Variants in CCDC171 observed in about 807,000 individuals in gnomAD.
CCDC171 encodes coiled-coil domain containing 171, also known as coiled-coil domain-containing protein 171.
CCDC171 carries 177 observed loss-of-function variants against 168.2 expected under a neutral mutation model. That is an observed-to-expected ratio of 1.05 (90% CI 0.93 to 1.19). The LOEUF (loss-of-function observed/expected upper bound fraction) is 1.19, where lower values mean the gene tolerates loss of function less well. Ranked by LOEUF, CCDC171 falls within the 50% of genes most tolerant of loss-of-function variation. The pLI, the probability that CCDC171 is intolerant of heterozygous loss-of-function variation, is 0.00. For missense variants in CCDC171, 1,991 were observed against 1,539.0 expected, an observed-to-expected ratio of 1.29 and a Z score of -4.91; for synonymous variants, 687 against 540.8, an observed-to-expected ratio of 1.27 and a Z score of -3.75.
chr9:15,850,851 C>A (rs1018424572), intron 23 of CCDC171, among the ~76,000 whole-genome samples: 2 of 151,930 alleles, frequency 1.3e-5, no homozygotes, highest in East Asian at 3.9e-4. Flanking sequence ...AGGGTCCAGG[C>A]TCTTTCATGG....
intron 6 of CCDC171, among the ~76,000 whole-genome samples, chr9:15,619,310 C>T (rs552034854): frequency 2.5e-3 from 380 of 152,172 alleles, no homozygotes; most frequent in African/African-American, 8.9e-3. Flanking sequence ...TCTTTAGTGC[C>T]GAACAGCCAA....
At chr9:15,943,506 G>A (rs1392268412) in intron 25 of CCDC171, among the ~76,000 whole-genome samples, 1 of 151,930 alleles carries the variant, frequency 6.6e-6, no homozygotes, top group Non-Finnish European at 1.5e-5. Flanking sequence ...TTTAGAACCA[G>A]ATGCAGGTCT....
intron 4 of CCDC171, among the ~76,000 whole-genome samples, chr9:15,585,715 C>T (rs2041504103): frequency 6.6e-6 from 1 of 152,170 alleles, no homozygotes; most frequent in Non-Finnish European, 1.5e-5. Flanking sequence ...CATTGGCTCA[C>T]ACCTGTAATC....
At chr9:16,046,012 A>G (rs573016037) in intron 1 of CCDC171, among the ~76,000 whole-genome samples, 1 of 152,288 alleles carries the variant, frequency 6.6e-6, no homozygotes, top group East Asian at 1.9e-4. Context: ...TAATTCCTCA[A>G]ATCAGCCCTG....
intron 11 of CCDC171, among the ~76,000 whole-genome samples, chr9:15,717,961 G>A (rs1163883584): frequency 6.6e-6 from 1 of 152,220 alleles, no homozygotes; most frequent in Admixed American, 6.5e-5. Context: ...GCAGAGAGAA[G>A]AATAAAGGGG....
chr9:15,750,976 A>T (rs1275231514), intron 18 of CCDC171, among the ~76,000 whole-genome samples: 2 of 152,174 alleles, frequency 1.3e-5, no homozygotes, highest in East Asian at 3.8e-4. Flanking sequence ...GAAAAGAGGA[A>T]ATCAAATGGT....
chr9:15,996,115 CAT>C (rs1832362340), intron 3 of CCDC171, among the ~76,000 whole-genome samples: 2 of 152,322 alleles, frequency 1.3e-5, no homozygotes, highest in African/African-American at 4.8e-5. Flanking sequence ...TATAGGTAAA[CAT>C]AAATGATTCC....
At chr9:15,613,814 T>G (rs1344202141) in intron 6 of CCDC171, among the ~76,000 whole-genome samples, 1 of 152,184 alleles carries the variant, frequency 6.6e-6, no homozygotes, top group Non-Finnish European at 1.5e-5. Context: ...TGAACCACCG[T>G]GCCTGGACCT....
chr9:16,071,654 G>A, the CCDC171 span, among the ~76,000 whole-genome samples: 5 of 152,172 alleles, frequency 3.3e-5, no homozygotes, highest in African/African-American at 7.2e-5. Flanking sequence ...AGGAAGCTTC[G>A]CTTCCCAACC....
intron 3 of CCDC171, among the ~76,000 whole-genome samples, chr9:16,013,011 A>G (rs911956423): frequency 6.6e-5 from 10 of 152,116 alleles, no homozygotes; most frequent in Non-Finnish European, 1.0e-4. Flanking sequence ...TGACACCTTC[A>G]CTTTCACACA....
chr9:15,968,059 A>G (rs993226610), intron 25 of CCDC171, among the ~76,000 whole-genome samples: 10 of 152,200 alleles, frequency 6.6e-5, no homozygotes, highest in African/African-American at 2.4e-4. Context: ...ATTTCATAAG[A>G]TTTTTAAAAT....
intron 9 of CCDC171, among the ~76,000 whole-genome samples, chr9:15,671,744 A>G (rs544913490): frequency 6.6e-6 from 1 of 152,210 alleles, no homozygotes; most frequent in Admixed American, 6.5e-5. Context: ...ACATTTTCTT[A>G]ACCCAGTCTA....
chr9:15,982,126 C>G (rs1002846609), intron 3 of CCDC171, among the ~76,000 whole-genome samples: 2 of 152,222 alleles, frequency 1.3e-5, no homozygotes, highest in Middle Eastern at 3.4e-3. Context: ...ATACTGAAGG[C>G]TGATGTATGA....
intron 4 of CCDC171, among the ~76,000 whole-genome samples, chr9:15,579,889 AT>A (rs1193833796): frequency 6.6e-6 from 1 of 152,144 alleles, no homozygotes; most frequent in African/African-American, 2.4e-5. Flanking sequence ...GTAGTGTCCA[AT>A]TTTTGATTAT....
At chr9:15,792,092 G>A (rs1349279837) in intron 21 of CCDC171, among the ~76,000 whole-genome samples, 2 of 152,146 alleles carry the variant, frequency 1.3e-5, no homozygotes, top group Non-Finnish European at 2.9e-5. Flanking sequence ...TTAGACGAAT[G>A]GCTAACTAGA....
rs749764398 is a variant in CCDC171, at chr9:15,594,131, C to G, written c.634C>G (p.Gln212Glu). 2.7e-6 allele frequency: 4 copies of G among 1,481,176 alleles called. No homozygotes were observed. Among genetic ancestry groups the G allele is most frequent in the Non-Finnish European group, 3.8e-6 (4 of 1,064,522 alleles). 91.8% of individuals were successfully genotyped at this position (1,481,176 alleles called of 1,614,324 possible). A position where few individuals can be genotyped will look rare whatever the true frequency, so the allele number is the denominator to read the frequency against. The change falls in exon 6 of 26, where the codon CAA becomes GAA. Residue 212 changes from glutamine (Q) to glutamate (E), a missense_variant. Transcript: ENST00000380701. ...GGAGGAGTTTAGATTACAAGAAGAA[C>G]AATGGGAAGCAGAAAGAAGAGAATT... ...ALEEFRLQEE[Q>E]WEAERRELQF...
chr9:15,876,564 T>A (rs913659891), intron 24 of CCDC171, among the ~76,000 whole-genome samples: 1 of 152,134 alleles, frequency 6.6e-6, no homozygotes, highest in Non-Finnish European at 1.5e-5. Flanking sequence ...AATTAATAAA[T>A]CTGATACTAA....
intron 6 of CCDC171, among the ~76,000 whole-genome samples, chr9:15,614,914 A>AT (rs1317844001): frequency 2.6e-5 from 4 of 152,200 alleles, no homozygotes; most frequent in African/African-American, 9.6e-5. Context: ...CATTAAATAG[A>AT]TTGAGTCAAT....
intron 21 of CCDC171, among the ~76,000 whole-genome samples, chr9:15,812,723 G>A (rs1193040022): frequency 2.6e-5 from 4 of 152,188 alleles, no homozygotes; most frequent in African/African-American, 9.7e-5. Flanking sequence ...TGTCAGGATA[G>A]AAGGATCTCT....
Sources: allele counts gnomAD v4.1 joint callset (sites outside exome capture counted in the v4.1 genomes callset), GRCh38; gene constraint gnomAD v4.1.1; transcripts MANE v1.5; gene names NCBI Gene and HGNC (gene_info 2026-07-23, HGNC 2026-07-21).